TRDN: variants seen among roughly 807,000 people sequenced by gnomAD.
The protein encoded by TRDN is triadin in skeletal muscle.
TRDN carries 161 observed loss-of-function variants against 149.7 expected under a neutral mutation model. That is an observed-to-expected ratio of 1.08 (90% CI 0.95 to 1.23). TRDN has a LOEUF of 1.23. Ranked by LOEUF, TRDN falls within the 50% of genes most tolerant of loss-of-function variation. The pLI is 0.00. For synonymous variants in TRDN, 294 were observed against 250.5 expected (o/e 1.17, Z -1.64); for missense variants, 896 against 823.5 (o/e 1.09, Z -1.08).
chr6:123,480,114 C>T (rs1429858516), intron 9 of TRDN, among the ~76,000 whole-genome samples: 2 of 151,820 alleles, frequency 1.3e-5, no homozygotes, highest in African/African-American at 4.8e-5. Context: ...GAATAAATAT[C>T]ATTCATTTCA....
At chr6:123,580,811 C>A (rs1469565417) in intron 1 of TRDN, among the ~76,000 whole-genome samples, 4 of 152,138 alleles carry the variant, frequency 2.6e-5, no homozygotes, top group Admixed American at 2.6e-4. Context: ...GACTTCATTC[C>A]TTTGTAGTTG....
intron 1 of TRDN, among the ~76,000 whole-genome samples, chr6:123,578,989 T>C (rs557903360): frequency 6.6e-5 from 10 of 152,282 alleles, no homozygotes; most frequent in Non-Finnish European, 1.5e-5. Context: ...CTGATTTTTG[T>C]ACATTACTTT....
At chr6:123,312,418 A>G (rs1052750923) in intron 24 of TRDN, among the ~76,000 whole-genome samples, 2 of 151,982 alleles carry the variant, frequency 1.3e-5, no homozygotes, top group Non-Finnish European at 2.9e-5. Context: ...GTATCATCAT[A>G]GTAAATATAT....
At chr6:123,293,620 A>T (rs1778086373) in intron 24 of TRDN, among the ~76,000 whole-genome samples, 1 of 152,102 alleles carries the variant, frequency 6.6e-6, no homozygotes, top group African/African-American at 2.4e-5. Flanking sequence ...TGGAACAGGG[A>T]AAAAATATCT....
intron 1 of TRDN, among the ~76,000 whole-genome samples, chr6:123,624,341 A>G (rs889085611): frequency 2.0e-5 from 3 of 152,142 alleles, no homozygotes; most frequent in Admixed American, 1.3e-4. Flanking sequence ...AGACACTTCA[A>G]ATCCTGAGGG....
chr6:123,223,259 G>A lies in TRDN; in HGVS notation c.2014+834C>T, dbSNP rs78473662. Among the ~76,000 whole-genome samples, 737 of 151,706 alleles carry A rather than the reference G, an allele frequency of 4.9e-3. 18 individuals carry two copies. The highest frequency in any genetic ancestry group is 0.046 in the East Asian group (232 of 5,098). Reference sequence around the variant, plus strand: ...AATGAGAAAACATGAACACAAAGACGGGAGGAACAGACACTGAGGCCTACC... The same window carrying A: ...AATGAGAAAACATGAACACAAAGACAGGAGGAACAGACACTGAGGCCTACC... On this transcript the variant is annotated intron_variant, in intron 39 of 40. Coordinates refer to ENST00000334268, the MANE Select transcript of TRDN (RefSeq NM_006073.4).
At chr6:123,253,688 A>C (rs1372819076) in intron 37 of TRDN, among the ~76,000 whole-genome samples, 1 of 152,116 alleles carries the variant, frequency 6.6e-6, no homozygotes, top group East Asian at 1.9e-4. Flanking sequence ...TTTCGTACAT[A>C]ATCATTTTTC....
Position 123,564,966 on chromosome 6 carries a change from A to G in TRDN, c.232+5957T>C, listed in dbSNP as rs1782204259. ...GATCCTTGTTCTTAGGAAGGAAAAG[A>G]GTTACCACATTCTATTGCTGTACAT... is the stretch of plus-strand genomic sequence containing the variant. On this transcript the variant is annotated intron_variant, in intron 2 of 40. Transcript: ENST00000334268. 9.2e-5 allele frequency among the ~76,000 whole-genome samples: 14 copies of G among 152,306 alleles called. No individual in the cohort carries two copies. In the South Asian group the frequency reaches 2.9e-3, roughly 32 times the overall value.
chr6:123,582,783 A>C (rs1783196051), intron 1 of TRDN, among the ~76,000 whole-genome samples: 1 of 151,990 alleles, frequency 6.6e-6, no homozygotes, highest in Admixed American at 6.6e-5. Context: ...ATAGTGGTAA[A>C]GTCTTGGGAC....
At chr6:123,574,329 T>C (rs974522201) in intron 1 of TRDN, among the ~76,000 whole-genome samples, 2 of 152,004 alleles carry the variant, frequency 1.3e-5, no homozygotes, top group Admixed American at 1.3e-4. Flanking sequence ...AAAATACTTC[T>C]AAAACCCAGA....
Position 123,364,243 on chromosome 6 carries a change from C to A in TRDN, c.1321+1892G>T, listed in dbSNP as rs76061313. ...TATCCAGGCTCCCATTGATGCAGAG[C>A]GCAGAGTCTATGGATCAGCTACCAG... is the stretch of plus-strand genomic sequence containing the variant. On this transcript the variant is annotated intron_variant, in intron 20 of 40. Coordinates refer to ENST00000334268, the MANE Select transcript of TRDN (RefSeq NM_006073.4). Among the ~76,000 whole-genome samples, 456 of 152,308 alleles carry A rather than the reference C, an allele frequency of 3.0e-3. 12 individuals are homozygous for A. The East Asian group carries it at 0.074, about 25-fold the overall frequency.
At chr6:123,267,963 AC>A (rs1409309642) in intron 31 of TRDN, among the ~76,000 whole-genome samples, 9 of 152,088 alleles carry the variant, frequency 5.9e-5, no homozygotes, top group Non-Finnish European at 1.3e-4. Flanking sequence ...GCTTTTTTCT[AC>A]ATTTGGCTGA....
intron 24 of TRDN, among the ~76,000 whole-genome samples, chr6:123,288,895 A>G (rs973379459): frequency 6.6e-6 from 1 of 151,834 alleles, no homozygotes; most frequent in African/African-American, 2.4e-5. Context: ...TGTTATATCC[A>G]AAGGAATTGA....
chr6:123,252,230 A>G (rs898735329), intron 38 of TRDN, among the ~76,000 whole-genome samples, 182 bp downstream of exon 38: 7 of 152,184 alleles, frequency 4.6e-5, no homozygotes, highest in Non-Finnish European at 7.4e-5. Flanking sequence ...ATTTCAAATA[A>G]CATAGTTTTT....
chr6:123,370,913 CTT>C (rs58947175), intron 19 of TRDN, among the ~76,000 whole-genome samples: 12 of 131,234 alleles, frequency 9.1e-5, no homozygotes, highest in African/African-American at 3.1e-4. Flanking sequence ...AGGTCTTTGT[CTT>C]TTTTTTTTTT....
At chr6:123,314,795 G>A (rs1248454748) in intron 24 of TRDN, among the ~76,000 whole-genome samples, 1 of 151,994 alleles carries the variant, frequency 6.6e-6, no homozygotes, top group Non-Finnish European at 1.5e-5. Context: ...TAAATCATGG[G>A]AACATGTGAA....
At chr6:123,499,597 C>T (rs536135066) in intron 8 of TRDN, among the ~76,000 whole-genome samples, 36 of 148,174 alleles carry the variant, frequency 2.4e-4, no homozygotes, top group African/African-American at 5.7e-4. Flanking sequence ...CCAGCTACTC[C>T]GGAGGCTGAG....
intron 8 of TRDN, chr6:123,503,315 G>T (rs992982063): frequency 4.1e-6 from 4 of 985,112 alleles, no homozygotes; most frequent in Non-Finnish European, 4.8e-6. Context: ...ATTCCAACAT[G>T]TACCCCTTCA....
chr6:123,634,946 A>C (rs1786219192), intron 1 of TRDN, among the ~76,000 whole-genome samples: 1 of 151,976 alleles, frequency 6.6e-6, no homozygotes, highest in Non-Finnish European at 1.5e-5. Context: ...ACCCCCGCAG[A>C]GCAAAGGCAG....
Sources: allele counts gnomAD v4.1 joint callset (sites outside exome capture counted in the v4.1 genomes callset), GRCh38; gene constraint gnomAD v4.1.1; transcripts MANE v1.5; gene names NCBI Gene and HGNC (gene_info 2026-07-23, HGNC 2026-07-21).